FILIP1: variants seen among roughly 807,000 people sequenced by gnomAD.
The protein encoded by FILIP1 is filamin A interacting protein 1.
Under a neutral mutation model 102.1 loss-of-function variants are expected in FILIP1, and 61 were observed. The ratio of observed to expected loss-of-function variants is 0.60; its 90% CI spans 0.49 to 0.74. FILIP1 has a LOEUF of 0.74. Ranked by LOEUF, FILIP1 falls within the 30% of genes least tolerant of loss-of-function variation. The pLI, the probability that FILIP1 is intolerant of heterozygous loss-of-function variation, is 0.00. For synonymous variants in FILIP1, 491 were observed against 526.9 expected (o/e 0.93, Z 0.93); for missense variants, 1,314 against 1,441.2 (o/e 0.91, Z 1.43).
intron 1 of FILIP1, among the ~76,000 whole-genome samples, chr6:75,425,818 C>G (rs1777608099): frequency 6.6e-6 from 1 of 152,082 alleles, no homozygotes; most frequent in African/African-American, 2.4e-5. Flanking sequence ...AAAGTATTTA[C>G]TAGAAATATT....
chr6:75,360,896 G>A (rs1478714120), intron 3 of FILIP1: 1 of 152,192 alleles, frequency 6.6e-6, no homozygotes, highest in Non-Finnish European at 1.5e-5. Context: ...CGTGAATTTG[G>A]AAGCAGGATT....
At chr6:75,440,612 C>T (rs1173834628) in intron 1 of FILIP1, among the ~76,000 whole-genome samples, 1 of 152,134 alleles carries the variant, frequency 6.6e-6, no homozygotes, top group Admixed American at 6.5e-5. Flanking sequence ...TGGGAAATGC[C>T]CCCACCAATT....
chr6:75,468,925 G>T (rs2808185), intron 1 of FILIP1, among the ~76,000 whole-genome samples: 6,946 of 151,946 alleles, frequency 0.046, 541 homozygotes, highest in African/African-American at 0.16. Flanking sequence ...AGTTAAACCT[G>T]CAATTTTATA....
chr6:75,345,501 C>G (rs1295889157), intron 4 of FILIP1, among the ~76,000 whole-genome samples: 1 of 152,046 alleles, frequency 6.6e-6, no homozygotes, highest in African/African-American at 2.4e-5. Context: ...AATGGCAGGG[C>G]CATCTTCTTT....
chr6:75,468,101 C>G (rs1044433358), intron 1 of FILIP1, among the ~76,000 whole-genome samples: 1 of 152,194 alleles, frequency 6.6e-6, no homozygotes, highest in Non-Finnish European at 1.5e-5. Context: ...CTACCAGGAG[C>G]TAGTCTGTGA....
chr6:75,448,744 C>T (rs1778521541), intron 1 of FILIP1, among the ~76,000 whole-genome samples: 1 of 152,090 alleles, frequency 6.6e-6, no homozygotes, highest in Non-Finnish European at 1.5e-5. Context: ...TGAAAAAATG[C>T]TCAACATCAC....
chr6:75,319,075 T>G lies in FILIP1; in HGVS notation c.630-3873A>C, dbSNP rs1773547538. On this transcript the variant is annotated intron_variant, in intron 4 of 5. Coordinates refer to ENST00000237172, the MANE Select transcript of FILIP1 (RefSeq NM_015687.5). ...TTCATCTTCATCTTCTTCACCTTCT[T>G]CCTCCTCTTCATCCTCTTCATCTTC... is the stretch of plus-strand genomic sequence containing the variant. 1.5e-5 allele frequency: 11 copies of G among 741,186 alleles called. No homozygotes were observed. The South Asian group carries it at 1.5e-4, about 10-fold the overall frequency. 45.9% of individuals were successfully genotyped at this position (741,186 alleles called of 1,614,324 possible).
chr6:75,425,070 T>C (rs1488992534), intron 1 of FILIP1, among the ~76,000 whole-genome samples: 2 of 152,178 alleles, frequency 1.3e-5, no homozygotes, highest in Non-Finnish European at 1.5e-5. Flanking sequence ...TTGTCTTAGA[T>C]TAAATCAAAG....
intron 4 of FILIP1, among the ~76,000 whole-genome samples, chr6:75,341,321 T>C (rs1361238943): frequency 8.6e-5 from 13 of 151,596 alleles, no homozygotes; most frequent in Non-Finnish European, 4.4e-5. Context: ...CTGTAACACC[T>C]GGCTAATTTT....
rs766157987 is a variant in FILIP1, at chr6:75,315,087, T to G, written c.745A>C (p.Met249Leu). 87 of 1,614,158 alleles carry G rather than the reference T, an allele frequency of 5.4e-5. No homozygotes were observed. Among genetic ancestry groups the G allele is most frequent in the Non-Finnish European group, 6.5e-5 (77 of 1,179,988 alleles). The stretch of plus-strand genomic sequence containing the variant: ...TGCATTTGTCTTTCATCCACCAGCA[T>G]GAGTGCAAAGGATTTGAGTTTAACA... The part of the protein sequence containing the change: ...ELVKLKSFAL[M>L]LVDERQMHIE... The change falls in exon 5 of 6, where the codon ATG (methionine) becomes CTG (leucine). Residue 249 changes from methionine to leucine, a missense_variant. Met to Leu is a conservative substitution (Grantham distance 15). Transcript: ENST00000237172.
At position 75,403,524 on chromosome 6, in the gene FILIP1, A is replaced by AAAAAAAAAAAG. The variant is rs55907855; in HGVS notation, c.276+11172_276+11173insCTTTTTTTTTT. On this transcript the variant is annotated intron_variant, in intron 2 of 5. Transcript: ENST00000237172. ...CAAGACTCTGTCCCACAAAAAAAAA[A>AAAAAAAAAAAG]AAAAAAGAAAAAGAAAAAGAAATAT... Among the ~76,000 whole-genome samples, 32 of 134,740 alleles carry AAAAAAAAAAAG rather than the reference A, an allele frequency of 2.4e-4. 1 individual carries two copies. Among genetic ancestry groups the AAAAAAAAAAAG allele is most frequent in the South Asian group, 4.6e-4 (2 of 4,334 alleles). 88.4% of individuals were successfully genotyped at this position (134,740 alleles called of 152,430 possible). A position where few individuals can be genotyped will look rare whatever the true frequency, so the allele number is the denominator to read the frequency against.
At position 75,313,238 on chromosome 6, in the gene FILIP1, A is replaced by T; in HGVS notation, c.2594T>A (p.Met865Lys). The T allele has an allele frequency of 1.9e-6, 3 of 1,614,074 alleles. No individual in the cohort carries two copies. Among genetic ancestry groups the T allele is most frequent in the Non-Finnish European group, 2.5e-6 (3 of 1,179,920 alleles). ...CATCCATGGAATCCAAGACTTTCTC[A>T]TAGTGAGCTCATTTGCTGCTGGAGG... ...RYPPAANELT[M>K]RKSWIPWMRK... The change falls in exon 5 of 6, where the codon ATG becomes AAG. Residue 865 changes from methionine (M) to lysine (K), a missense_variant. Physicochemically the swap from Met to Lys is moderately conservative, Grantham distance 95. Around this residue, in one of 3 missense-constraint regions of FILIP1, gnomAD observed 816 missense variants for 913.1 expected, o/e 0.89. Transcript: ENST00000237172. This position sits in a 1 kb window ranked among gnomAD's most constrained non-coding sequence, Gnocchi z 4.2.
intron 2 of FILIP1, among the ~76,000 whole-genome samples, chr6:75,372,673 GAAA>G (rs1775576159): frequency 2.1e-4 from 12 of 57,020 alleles, no homozygotes; most frequent in African/African-American, 1.2e-3. Flanking sequence ...AAGAAAGAAA[GAAA>G]GAAAGAAAGA....
intron 1 of FILIP1, among the ~76,000 whole-genome samples, chr6:75,420,036 C>T (rs1469708044): frequency 6.6e-6 from 1 of 151,922 alleles, no homozygotes; most frequent in Non-Finnish European, 1.5e-5. Context: ...TATTTTTTAT[C>T]CTATTAGGGT....
In FILIP1 at chr6:75,424,600, T is replaced by G. The variant is rs146432607; in HGVS notation, c.-6-9622A>C. Among the ~76,000 whole-genome samples the G allele has an allele frequency of 4.0e-3, 602 of 152,322 alleles. 7 individuals carry two copies. The highest frequency in any genetic ancestry group is 0.014 in the African/African-American group (579 of 41,576). On this transcript the variant is annotated intron_variant, in intron 1 of 5. Transcript: ENST00000237172. ...TAAAGTAACTGAATTTTAAAAATTC[T>G]AGTCTGTGGATTAATTATTCTATTA...
intron 4 of FILIP1, among the ~76,000 whole-genome samples, chr6:75,332,106 A>G (rs935534368): frequency 2.0e-5 from 3 of 152,172 alleles, no homozygotes; most frequent in Non-Finnish European, 4.4e-5. Flanking sequence ...GTTGTTTATC[A>G]GCCACCCAGC....
chr6:75,458,584 A>G (rs1257119040), intron 1 of FILIP1: 4 of 152,200 alleles, frequency 2.6e-5, no homozygotes, highest in African/African-American at 9.7e-5. Context: ...AGACTTCTCC[A>G]ATAGAAAACA....
chr6:75,310,961 C>T (rs928585751), intron 5 of FILIP1, among the ~76,000 whole-genome samples: 1 of 151,982 alleles, frequency 6.6e-6, no homozygotes, highest in Admixed American at 6.5e-5. Flanking sequence ...GGAAAATAAG[C>T]CACAGTTTCT....
chr6:75,339,179 C>G (rs1774339394), intron 4 of FILIP1, among the ~76,000 whole-genome samples: 1 of 152,180 alleles, frequency 6.6e-6, no homozygotes, highest in African/African-American at 2.4e-5. Flanking sequence ...GACTCTGAGG[C>G]TGTAACTATT....
Sources: gnomAD v4.1 joint callset for allele counts (sites outside exome capture counted in the v4.1 genomes callset) on GRCh38, gnomAD v4.1.1 for gene constraint, gnomAD v4.1.1 regional missense constraint, Gnocchi (gnomAD v3.1) non-coding constraint, MANE v1.5 for transcripts, NCBI Gene and HGNC (gene_info 2026-07-23, HGNC 2026-07-21) for gene names.